Variants in MATN2 observed in about 807,000 individuals in gnomAD.
MATN2 encodes matrilin-2.
MATN2 carries 69 observed loss-of-function variants against 103.2 expected under a neutral mutation model. The observed-to-expected ratio is 0.67, with a 90% CI of 0.55 to 0.82. The LOEUF (loss-of-function observed/expected upper bound fraction) is 0.82. Among genes scored for constraint, MATN2 ranks in the 40% least tolerant of loss-of-function variants. MATN2 has a pLI of 0.00. For synonymous variants in MATN2, 429 were observed against 450.2 expected, an observed-to-expected ratio of 0.95 and a Z score of 0.60; for missense variants, 1,023 against 1,211.5, an observed-to-expected ratio of 0.84 and a Z score of 2.31.
At chr8:97,970,281 C>T (rs1811614003) in intron 5 of MATN2, among the ~76,000 whole-genome samples, 1 of 152,146 alleles carries the variant, frequency 6.6e-6, no homozygotes, top group Non-Finnish European at 1.5e-5. Context: ...GTTGCCATAG[C>T]AACAGTAAAT....
At chr8:97,971,499 T>C (rs1206538066) in intron 5 of MATN2, among the ~76,000 whole-genome samples, 1 of 152,216 alleles carries the variant, frequency 6.6e-6, no homozygotes, top group Admixed American at 6.5e-5. Context: ...CAATGGTGGA[T>C]TGCTGACTAA....
intron 7 of MATN2, among the ~76,000 whole-genome samples, chr8:97,998,033 T>G (rs1031001328): frequency 6.6e-6 from 1 of 150,470 alleles, no homozygotes; most frequent in Non-Finnish European, 1.5e-5. Context: ...TTGTCCAGGC[T>G]GGTCTCAAAC....
intron 5 of MATN2, among the ~76,000 whole-genome samples, chr8:97,962,884 C>T (rs961151519): frequency 6.6e-6 from 1 of 152,158 alleles, no homozygotes; most frequent in Admixed American, 6.5e-5. Flanking sequence ...TCTGTAATCC[C>T]AGCACTATGG....
chr8:98,006,750 G>A (rs1812983367), intron 8 of MATN2, among the ~76,000 whole-genome samples: 1 of 152,198 alleles, frequency 6.6e-6, no homozygotes, highest in Non-Finnish European at 1.5e-5. Context: ...GCATTCCCCA[G>A]CCATTGGAGT....
chr8:97,901,333 A>G (rs971497101), intron 2 of MATN2, among the ~76,000 whole-genome samples: 2 of 151,426 alleles, frequency 1.3e-5, no homozygotes, highest in African/African-American at 2.4e-5. Context: ...GTTCACTGTA[A>G]CCTCCGCCTT....
intron 4 of MATN2, among the ~76,000 whole-genome samples, chr8:97,958,938 C>T (rs1399678089): frequency 2.0e-5 from 3 of 152,288 alleles, no homozygotes; most frequent in African/African-American, 7.2e-5. Flanking sequence ...AATTCAGCTG[C>T]CACGCCTCTC....
intron 10 of MATN2, among the ~76,000 whole-genome samples, chr8:98,015,125 C>G (rs1028025081): frequency 6.6e-6 from 1 of 152,154 alleles, no homozygotes; most frequent in Non-Finnish European, 1.5e-5. Context: ...ACCTGGGAGT[C>G]TTCCTTGACT....
At chr8:97,899,929 G>A (rs1048997483) in intron 2 of MATN2, among the ~76,000 whole-genome samples, 1 of 152,212 alleles carries the variant, frequency 6.6e-6, no homozygotes, top group Admixed American at 6.5e-5. Flanking sequence ...CATGTTCAAA[G>A]ACTTGAGCAG....
At chr8:97,915,296 C>A (rs1366005146) in intron 2 of MATN2, among the ~76,000 whole-genome samples, 1 of 152,122 alleles carries the variant, frequency 6.6e-6, no homozygotes, top group Non-Finnish European at 1.5e-5. Flanking sequence ...CTGGCCTGCT[C>A]ATATTTTTTA....
chr8:97,968,705 C>T (rs1199913970), intron 5 of MATN2, among the ~76,000 whole-genome samples: 1 of 152,242 alleles, frequency 6.6e-6, no homozygotes, highest in African/African-American at 2.4e-5. Flanking sequence ...CTGGCCTTTA[C>T]TGTCCATATC....
chr8:98,028,104 T>C (rs1244573223), intron 14 of MATN2, among the ~76,000 whole-genome samples: 4 of 152,178 alleles, frequency 2.6e-5, no homozygotes, highest in Non-Finnish European at 1.5e-5. Flanking sequence ...TACTAGCCAG[T>C]GTGTGATCTC....
intron 1 of MATN2, among the ~76,000 whole-genome samples, chr8:97,869,568 G>A (rs1314800338): frequency 1.3e-5 from 2 of 152,206 alleles, no homozygotes; most frequent in African/African-American, 4.8e-5. Context: ...AGTGCCCCGT[G>A]GGGGCGCTGT....
In MATN2 at chr8:97,931,075, A is replaced by G; in HGVS notation, c.265A>G (p.Ile89Val). 2 of 1,614,008 alleles carry G rather than the reference A, an allele frequency of 1.2e-6. No individual in the cohort carries two copies. The highest frequency in any genetic ancestry group is 1.7e-6 in the Non-Finnish European group (2 of 1,179,884). Residue 89 changes from isoleucine (I) to valine (V), a missense_variant, in exon 3 of 19, where the codon ATT (isoleucine) becomes GTT (valine). Coordinates refer to ENST00000254898, the MANE Select transcript of MATN2 (RefSeq NM_002380.5). The surrounding 1 kb of genome is among the most constrained non-coding windows in gnomAD (Gnocchi z 4.1). The part of the protein sequence containing the change: ...FIVDILQFLD[I>V]GPDVTRVGLL... ...CGTGGACATCTTGCAATTCTTGGAC[A>G]TTGGTCCTGATGTCACCCGAGTGGG...
chr8:97,931,529 C>G lies in MATN2; in HGVS notation c.712+7C>G. ...TTCCAGAAGAAGTTGTGCAGTAAGT[C>G]CTGCTCCTTTGTCACTCTTCTAGAG... is the stretch of plus-strand genomic sequence containing the variant. On this transcript the variant is annotated splice_region_variant and intron_variant, in intron 3 of 18. Transcript: ENST00000254898. This position sits in a 1 kb window ranked among gnomAD's most constrained non-coding sequence, Gnocchi z 4.1. 1 of 1,590,158 alleles carries G rather than the reference C, an allele frequency of 6.3e-7. No homozygotes were observed. The highest frequency in any genetic ancestry group is 1.7e-4 in the Middle Eastern group (1 of 5,940).
At chr8:97,940,344 G>A (rs1053014400) in intron 3 of MATN2, among the ~76,000 whole-genome samples, 1 of 151,996 alleles carries the variant, frequency 6.6e-6, no homozygotes, top group Non-Finnish European at 1.5e-5. Context: ...CTTGTACAAG[G>A]TCACAAAAAA....
intron 6 of MATN2, among the ~76,000 whole-genome samples, chr8:97,992,877 G>A (rs924892291): frequency 2.0e-5 from 3 of 151,212 alleles, no homozygotes; most frequent in Non-Finnish European, 4.4e-5. Context: ...CCTAGATTGC[G>A]ACATTGCGCT....
At chr8:97,886,440 G>A (rs560719469) in intron 1 of MATN2, among the ~76,000 whole-genome samples, 3 of 152,250 alleles carry the variant, frequency 2.0e-5, no homozygotes, top group Non-Finnish European at 2.9e-5. Flanking sequence ...CACCTCTTAT[G>A]AGCGATGTAA....
At chr8:98,029,662 CACA>C (rs1813937791) in intron 14 of MATN2, among the ~76,000 whole-genome samples, 1 of 152,184 alleles carries the variant, frequency 6.6e-6, no homozygotes, top group African/African-American at 2.4e-5. Context: ...AACAAGGCAT[CACA>C]ACTCTTGCCC....
intron 1 of MATN2, among the ~76,000 whole-genome samples, chr8:97,870,721 G>T (rs1040073314): frequency 3.0e-4 from 46 of 152,152 alleles, no homozygotes; most frequent in South Asian, 2.1e-4. Context: ...TATGCAACTG[G>T]TAGTTCCATG....
Sources: allele counts gnomAD v4.1 joint callset (sites outside exome capture counted in the v4.1 genomes callset), GRCh38; gene constraint gnomAD v4.1.1; non-coding constraint Gnocchi (gnomAD v3.1); transcripts MANE v1.5; gene names NCBI Gene and HGNC (gene_info 2026-07-23, HGNC 2026-07-21).